Variants in SLC14A2 observed in about 807,000 individuals in gnomAD.
The protein encoded by SLC14A2 is urea transporter 2.
SLC14A2 carries 91 observed loss-of-function variants against 104.6 expected under a neutral mutation model. The observed-to-expected ratio is 0.87, with a 90% CI of 0.73 to 1.04. SLC14A2 has a LOEUF of 1.04. SLC14A2 is among the 50% of genes least tolerant of loss of function. SLC14A2 has a pLI of 0.00. For synonymous variants in SLC14A2, 476 were observed against 466.4 expected (o/e 1.02, Z -0.27); for missense variants, 1,189 against 1,156.0 (o/e 1.03, Z -0.41).
At chr18:45,430,150 G>C (rs2086491517) in intron 1 of SLC14A2, among the ~76,000 whole-genome samples, 1 of 152,190 alleles carries the variant, frequency 6.6e-6, no homozygotes, top group Non-Finnish European at 1.5e-5. Flanking sequence ...CTTTGGGAAA[G>C]GTCTTAGAAG....
At chr18:45,545,300 G>A (rs1191982601) in intron 2 of SLC14A2, among the ~76,000 whole-genome samples, 1 of 152,140 alleles carries the variant, frequency 6.6e-6, no homozygotes, top group Non-Finnish European at 1.5e-5. Context: ...GGCCACATAG[G>A]TGGAGCTGGA....
At chr18:45,623,806 T>C (rs941598244) in intron 1 of SLC14A2, among the ~76,000 whole-genome samples, 1 of 152,112 alleles carries the variant, frequency 6.6e-6, no homozygotes, top group African/African-American at 2.4e-5. Flanking sequence ...CTCTAGGTCA[T>C]ACTGAGAGGA....
intron 1 of SLC14A2, among the ~76,000 whole-genome samples, chr18:45,427,568 G>A (rs1280629725): frequency 6.6e-6 from 1 of 152,148 alleles, no homozygotes; most frequent in African/African-American, 2.4e-5. Flanking sequence ...GAGGGTCTGG[G>A]AACTGAGTTC....
At chr18:45,200,269 C>A in the SLC14A2 span, among the ~76,000 whole-genome samples, 1 of 152,112 alleles carries the variant, frequency 6.6e-6, no homozygotes, top group Non-Finnish European at 1.5e-5. Flanking sequence ...AAGCCACAAC[C>A]TAATTGTGGT....
chr18:45,414,757 A>AAAAAATATATAT (rs1360051908), intron 1 of SLC14A2, among the ~76,000 whole-genome samples: 15 of 76,104 alleles, frequency 2.0e-4, no homozygotes, highest in East Asian at 7.6e-4. Flanking sequence ...AAAAAAAAAA[A>AAAAAATATATAT]ATATATATAT....
intron 2 of SLC14A2, among the ~76,000 whole-genome samples, chr18:45,575,962 T>C (rs952980681): frequency 5.3e-5 from 8 of 152,148 alleles, no homozygotes; most frequent in Non-Finnish European, 8.8e-5. Flanking sequence ...GCAGAGGCCA[T>C]CTACAGCATC....
chr18:45,384,159 A>T (rs1388405943), intron 1 of SLC14A2, among the ~76,000 whole-genome samples: 1 of 152,128 alleles, frequency 6.6e-6, no homozygotes, highest in Admixed American at 6.5e-5. Context: ...TAGGACTAGA[A>T]GTCTTTGTGC....
At chr18:45,328,627 A>T (rs2085259394) in intron 1 of SLC14A2, among the ~76,000 whole-genome samples, 1 of 152,236 alleles carries the variant, frequency 6.6e-6, no homozygotes, top group South Asian at 2.1e-4. Context: ...GTAAAGAACA[A>T]GTTCCCAGAA....
chr18:45,660,363 G>A (rs781557172), intron 10 of SLC14A2, among the ~76,000 whole-genome samples: 5 of 152,158 alleles, frequency 3.3e-5, no homozygotes, highest in African/African-American at 4.8e-5. Context: ...GTGCCCTAAC[G>A]ATAAGGAGCT....
chr18:45,268,699 T>C (rs2084618440), intron 1 of SLC14A2, among the ~76,000 whole-genome samples: 4 of 152,218 alleles, frequency 2.6e-5, no homozygotes, highest in Admixed American at 2.6e-4. Flanking sequence ...GTAAAAAGTC[T>C]GGACTGCAGG....
chr18:45,604,086 T>C (rs1483232686), intron 2 of SLC14A2, among the ~76,000 whole-genome samples: 1 of 152,258 alleles, frequency 6.6e-6, no homozygotes, highest in Non-Finnish European at 1.5e-5. Context: ...TTATTACTAG[T>C]CACTCACACC....
At chr18:45,426,630 A>T (rs8093874) in intron 1 of SLC14A2, among the ~76,000 whole-genome samples, 78,718 of 146,724 alleles carry the variant, frequency 0.54, 21,552 homozygotes, top group Admixed American at 0.68. Flanking sequence ...ACATATATAT[A>T]CTATATATCT....
intron 1 of SLC14A2, among the ~76,000 whole-genome samples, chr18:45,457,944 G>C (rs1014746607): frequency 2.0e-5 from 3 of 152,214 alleles, no homozygotes; most frequent in African/African-American, 7.2e-5. Flanking sequence ...TCAAGAATCA[G>C]GGAGGAAAGT....
At position 45,387,600 on chromosome 18, in the gene SLC14A2, T is replaced by TA. The variant is rs568775873; in HGVS notation, c.-124-95632dup. On this transcript the variant is annotated intron_variant, in intron 1 of 20. Transcript: ENST00000586448. The stretch of plus-strand genomic sequence containing the variant: ...AATCAATATCATATTTTGAAATACA[T>TA]ATCCAGATCAAAAATTTCTTAATGA... Among the ~76,000 whole-genome samples the TA allele has an allele frequency of 2.4e-3, 371 of 152,314 alleles. 9 individuals carry two copies. Among genetic ancestry groups the TA allele is most frequent in the Admixed American group, 0.023 (348 of 15,302 alleles).
intron 1 of SLC14A2, among the ~76,000 whole-genome samples, chr18:45,423,586 T>TA (rs1278035712): frequency 6.6e-6 from 1 of 152,018 alleles, no homozygotes; most frequent in Non-Finnish European, 1.5e-5. Flanking sequence ...GAAGCTTGGG[T>TA]AAAAAATGTG....
At chr18:45,646,573 T>TC (rs1351637581) in intron 10 of SLC14A2, 1 of 152,142 alleles carries the variant, frequency 6.6e-6, no homozygotes, top group Non-Finnish European at 1.5e-5. Flanking sequence ...GCTTACTGGA[T>TC]CCCCAGGAGA....
intron 1 of SLC14A2, among the ~76,000 whole-genome samples, chr18:45,224,460 A>G (rs1238435645): frequency 6.6e-6 from 1 of 152,188 alleles, no homozygotes; most frequent in Non-Finnish European, 1.5e-5. Context: ...ATGGCTCTGA[A>G]TTCACATTCA....
At chr18:45,622,088 C>A (rs1278101005) in intron 1 of SLC14A2, among the ~76,000 whole-genome samples, 17 of 152,158 alleles carry the variant, frequency 1.1e-4, no homozygotes, top group Non-Finnish European at 5.9e-5. Context: ...CATCTGAAAG[C>A]ATTGATGGGC....
chr18:45,393,709 A>T (rs978933961), intron 1 of SLC14A2, among the ~76,000 whole-genome samples: 3 of 152,152 alleles, frequency 2.0e-5, no homozygotes, highest in Admixed American at 6.5e-5. Flanking sequence ...GCTCTTCCCC[A>T]TTCCTTCTTG....
Sources: gnomAD v4.1 joint callset for allele counts (sites outside exome capture counted in the v4.1 genomes callset) on GRCh38, gnomAD v4.1.1 for gene constraint, MANE v1.5 for transcripts, NCBI Gene and HGNC (gene_info 2026-07-23, HGNC 2026-07-21) for gene names.